The following THRAP3 variants were observed in gnomAD, a reference collection of about 807,000 sequenced individuals.
The protein encoded by THRAP3 is thyroid hormone receptor associated protein 3, also known as thyroid hormone receptor-associated protein 3.
In THRAP3, 16 loss-of-function variants were observed where a neutral mutation model predicts 101.0. The observed-to-expected ratio is 0.16, with a 90% CI of 0.11 to 0.24. THRAP3 has a LOEUF of 0.24. Ranked by LOEUF, THRAP3 falls within the 10% of genes least tolerant of loss-of-function variation. The pLI is 1.00. For missense variants in THRAP3, 989 were observed against 1,202.7 expected, an observed-to-expected ratio of 0.82 and a Z score of 2.63; for synonymous variants, 407 against 422.6, an observed-to-expected ratio of 0.96 and a Z score of 0.45.
the THRAP3 span, among the ~76,000 whole-genome samples, chr1:36,216,241 T>A: frequency 6.6e-6 from 1 of 151,656 alleles, no homozygotes; most frequent in Non-Finnish European, 1.5e-5. Context: ...AAAAAACAGC[T>A]GGGCGCTGTA....
chr1:36,268,249 T>C (rs1260794407), intron 2 of THRAP3, among the ~76,000 whole-genome samples: 4 of 149,342 alleles, frequency 2.7e-5, no homozygotes, highest in Admixed American at 1.3e-4. Flanking sequence ...TCAGCATCAT[T>C]TTTTTTTTTC....
intron 2 of THRAP3, among the ~76,000 whole-genome samples, chr1:36,274,276 A>G (rs1474468562): frequency 1.3e-5 from 2 of 152,196 alleles, no homozygotes; most frequent in African/African-American, 2.4e-5. Flanking sequence ...AGAAAACTGA[A>G]ACATTGTGGA....
intron 2 of THRAP3, among the ~76,000 whole-genome samples, chr1:36,275,747 T>G (rs1570311020): frequency 6.6e-6 from 1 of 151,416 alleles, no homozygotes; most frequent in East Asian, 1.9e-4. Context: ...TTGGACTAGG[T>G]GTGGTGGCTC....
chr1:36,296,978 G>A (rs547154326), intron 9 of THRAP3, among the ~76,000 whole-genome samples: 3 of 152,202 alleles, frequency 2.0e-5, no homozygotes, highest in Non-Finnish European at 4.4e-5. Context: ...TCCAAAGAAG[G>A]CTTCATGAGA....
the THRAP3 span, among the ~76,000 whole-genome samples, chr1:36,214,064 AAGAC>A: frequency 6.9e-6 from 1 of 145,926 alleles, no homozygotes; most frequent in Non-Finnish European, 1.5e-5. Context: ...GAAAGAAAGA[AAGAC>A]AACTCCTAAC....
chr1:36,255,494 C>T (rs570978706), intron 1 of THRAP3, among the ~76,000 whole-genome samples: 8 of 150,798 alleles, frequency 5.3e-5, no homozygotes, highest in Non-Finnish European at 7.4e-5. Context: ...CCAGGCCAGG[C>T]GCGGTGGCTC....
At chr1:36,232,879 CT>C (rs11448026) in intron 1 of THRAP3, among the ~76,000 whole-genome samples, 161 of 139,050 alleles carry the variant, frequency 1.2e-3, no homozygotes, top group Middle Eastern at 3.8e-3. Context: ...CGAACTGTAT[CT>C]TTTTTTTTTT....
rs1223905113 is a variant in THRAP3, at chr1:36,229,419, T to G, written c.-135+4914T>G. Reference sequence around the variant, plus strand: ...TCTACAGTTTTTTTTTTTGTTTTTTTTTTGTTTTTTTTTTTTTGAGAATAA... The same window carrying G: ...TCTACAGTTTTTTTTTTTGTTTTTTGTTTGTTTTTTTTTTTTTGAGAATAA... On this transcript the variant is annotated intron_variant, in intron 1 of 11. Coordinates refer to ENST00000354618, the MANE Select transcript of THRAP3 (RefSeq NM_005119.4). 1.6e-3 allele frequency among the ~76,000 whole-genome samples: 72 copies of G among 45,034 alleles called. No individual in the cohort carries two copies. The East Asian group carries it at 0.021, about 13-fold the overall frequency. 29.5% of individuals were successfully genotyped at this position (45,034 alleles called of 152,430 possible).
chr1:36,286,532 G>A lies in THRAP3; in HGVS notation c.302G>A (p.Arg101Gln), dbSNP rs138989448. Residue 101 changes from arginine (R) to glutamine (Q), a missense_variant, in exon 4 of 12, where the codon CGA (arginine) becomes CAA (glutamine). Transcript: ENST00000354618. The surrounding 1 kb of genome is among the most constrained non-coding windows in gnomAD (Gnocchi z 5.5). ...TTTTATCCATGGGGCCAATATAACC[G>A]AGGAGGCTATGGAAACTACCGCTCA... ...RGFYPWGQYN[R>Q]GGYGNYRSNW... 3 of 1,613,952 alleles carry A rather than the reference G, an allele frequency of 1.9e-6. No individual in the cohort carries two copies. The highest frequency in any genetic ancestry group is 2.2e-5 in the East Asian group (1 of 44,886).
intron 1 of THRAP3, among the ~76,000 whole-genome samples, chr1:36,231,160 T>G (rs1307731550): frequency 1.3e-5 from 2 of 152,230 alleles, no homozygotes; most frequent in African/African-American, 2.4e-5. Flanking sequence ...GACCTTTTTT[T>G]TCTGTCTTGG....
intron 2 of THRAP3, among the ~76,000 whole-genome samples, chr1:36,273,724 C>T (rs1402591340): frequency 6.6e-6 from 1 of 152,016 alleles, no homozygotes; most frequent in Admixed American, 6.6e-5. Flanking sequence ...ATGAATTTAG[C>T]AAGGTTGCAG....
rs533639528 is a variant in THRAP3 at position 36,271,354 on chromosome 1, C to T, written c.-31-11179C>T. 7.9e-5 allele frequency among the ~76,000 whole-genome samples: 12 copies of T among 151,342 alleles called. No homozygotes were observed. In the South Asian group the frequency reaches 2.5e-3, roughly 31 times the overall value. ...CTGGAGTGCAGTGATGCGATCTCTGCTCACTGCAACCTCCGCCTCCCGGGT... is the reference window on the plus strand; with the variant it reads ...CTGGAGTGCAGTGATGCGATCTCTGTTCACTGCAACCTCCGCCTCCCGGGT... On this transcript the variant is annotated intron_variant, in intron 2 of 11. Transcript: ENST00000354618.
chr1:36,213,947 G>T, the THRAP3 span, among the ~76,000 whole-genome samples: 461 of 119,044 alleles, frequency 3.9e-3, 5 homozygotes, highest in Non-Finnish European at 6.7e-3. Context: ...AAGAAAGAAA[G>T]AAAGAAAGAA....
At chr1:36,279,029 G>A (rs1325604036) in intron 2 of THRAP3, among the ~76,000 whole-genome samples, 1 of 152,124 alleles carries the variant, frequency 6.6e-6, no homozygotes, top group Non-Finnish European at 1.5e-5. Flanking sequence ...GTCGGGGGGC[G>A]TCACAGTATT....
rs552791067 is a variant in THRAP3 at position 36,295,538 on chromosome 1, G to A, written c.2116-1045G>A. On this transcript the variant is annotated intron_variant, in intron 8 of 11. Transcript: ENST00000354618. ...CTGAACTGCTTAGGAAGCCAGCAGA[G>A]AAGTTTTTTCCTTCCTTCCTTCCTT... Among the ~76,000 whole-genome samples the A allele has an allele frequency of 5.3e-5, 5 of 94,804 alleles. No individual in the cohort carries two copies. In the South Asian group the frequency reaches 1.7e-3, roughly 33 times the overall value. The allele number at this position is 94,804 out of a possible 152,430, so 62.2% of individuals were successfully genotyped here.
intron 2 of THRAP3, among the ~76,000 whole-genome samples, chr1:36,278,428 A>G (rs1239163402): frequency 1.3e-5 from 2 of 152,152 alleles, no homozygotes; most frequent in Non-Finnish European, 2.9e-5. Context: ...TGTTTTAAGT[A>G]AAACGCATCT....
intron 3 of THRAP3, among the ~76,000 whole-genome samples, chr1:36,282,912 CTG>C (rs1645752882): frequency 6.6e-6 from 1 of 152,226 alleles, no homozygotes; most frequent in Non-Finnish European, 1.5e-5. Context: ...TTCCTTTCCT[CTG>C]CCAGCACATA....
At chr1:36,249,464 T>G (rs981057977) in intron 1 of THRAP3, among the ~76,000 whole-genome samples, 1 of 152,030 alleles carries the variant, frequency 6.6e-6, no homozygotes, top group Non-Finnish European at 1.5e-5. Flanking sequence ...GTGCTGAGAT[T>G]ACAGGCGTGA....
intron 1 of THRAP3, among the ~76,000 whole-genome samples, chr1:36,254,296 G>A (rs1348316465): frequency 6.6e-6 from 1 of 152,132 alleles, no homozygotes; most frequent in Non-Finnish European, 1.5e-5. Flanking sequence ...TTTCTTGTAA[G>A]TTGGGAATAT....
Sources: gnomAD v4.1 joint callset for allele counts (sites outside exome capture counted in the v4.1 genomes callset) on GRCh38, gnomAD v4.1.1 for gene constraint, Gnocchi (gnomAD v3.1) non-coding constraint, MANE v1.5 for transcripts, NCBI Gene and HGNC (gene_info 2026-07-23, HGNC 2026-07-21) for gene names.